ZRANB3: variants seen among roughly 807,000 people sequenced by gnomAD.
The protein encoded by ZRANB3 is DNA annealing helicase and endonuclease ZRANB3.
ZRANB3 carries 125 observed loss-of-function variants against 133.8 expected under a neutral mutation model. The ratio of observed to expected loss-of-function variants is 0.93; its 90% CI spans 0.81 to 1.08. The LOEUF is 1.08. Among genes scored for constraint, ZRANB3 ranks in the 50% least tolerant of loss-of-function variants. The probability of loss-of-function intolerance (pLI) is 0.00; values close to 1 mark genes in which losing one functional copy is unlikely to be tolerated. For synonymous variants in ZRANB3, 387 were observed against 432.7 expected (o/e 0.89, Z 1.31); for missense variants, 1,229 against 1,275.5 (o/e 0.96, Z 0.56).
At chr2:135,480,807 T>C (rs374224972) in intron 2 of ZRANB3, among the ~76,000 whole-genome samples, 4,916 of 124,006 alleles carry the variant, frequency 0.04, 186 homozygotes, top group African/African-American at 0.11. Flanking sequence ...ATATTCCCCT[T>C]CCTGTGTCCA....
chr2:135,418,435 T>G (rs918073379), intron 2 of ZRANB3, among the ~76,000 whole-genome samples: 1 of 152,192 alleles, frequency 6.6e-6, no homozygotes, highest in Non-Finnish European at 1.5e-5. Context: ...GACTCAAATG[T>G]TTAATGCATT....
chr2:135,481,874 T>A (rs1197174019), intron 2 of ZRANB3, among the ~76,000 whole-genome samples: 1 of 148,818 alleles, frequency 6.7e-6, no homozygotes, highest in African/African-American at 2.5e-5. Context: ...AAATAGGGAA[T>A]CCTTTCCCCA....
chr2:135,467,711 T>C, intron 2 of ZRANB3, among the ~76,000 whole-genome samples: 1 of 152,252 alleles, frequency 6.6e-6, no homozygotes, highest in South Asian at 2.1e-4. Flanking sequence ...GTCCTTACTT[T>C]GCCTCTCTAG....
chr2:135,490,185 C>A (rs930041076), intron 2 of ZRANB3, among the ~76,000 whole-genome samples: 27 of 152,200 alleles, frequency 1.8e-4, no homozygotes, highest in African/African-American at 6.5e-4. Context: ...GAATTTCTTA[C>A]CCCACAGATG....
At chr2:135,477,633 T>C (rs1173750548) in intron 2 of ZRANB3, among the ~76,000 whole-genome samples, 1 of 152,160 alleles carries the variant, frequency 6.6e-6, no homozygotes, top group East Asian at 1.9e-4. Flanking sequence ...TCCACTAAGA[T>C]CTTTTAAGTT....
At chr2:135,490,381 C>A (rs962108978) in intron 2 of ZRANB3, among the ~76,000 whole-genome samples, 1 of 152,016 alleles carries the variant, frequency 6.6e-6, no homozygotes, top group Non-Finnish European at 1.5e-5. Flanking sequence ...GATATATAAA[C>A]TGCCAACAGG....
chr2:135,200,463 G>A (rs1693573027), intron 20 of ZRANB3, 23 bp from the exon 21 acceptor site: 1 of 1,553,520 alleles, frequency 6.4e-7, no homozygotes, highest in African/African-American at 1.4e-5. Flanking sequence ...AAATATGCAT[G>A]TGTACACGTT....
chr2:135,382,748 T>G (rs893442161), intron 3 of ZRANB3, among the ~76,000 whole-genome samples: 7 of 152,154 alleles, frequency 4.6e-5, no homozygotes, highest in Non-Finnish European at 5.9e-5. Context: ...CTAAGCTTCA[T>G]AAGTGAAGGA....
intron 3 of ZRANB3, among the ~76,000 whole-genome samples, chr2:135,381,485 T>C (rs943156502): frequency 6.6e-6 from 1 of 152,146 alleles, no homozygotes; most frequent in Non-Finnish European, 1.5e-5. Flanking sequence ...CCCTGACAGC[T>C]TGGAAGAGAG....
intron 6 of ZRANB3, among the ~76,000 whole-genome samples, chr2:135,322,604 C>T (rs998751670): frequency 6.6e-6 from 1 of 151,858 alleles, no homozygotes; most frequent in African/African-American, 2.4e-5. Flanking sequence ...TGTAGTCCTC[C>T]CTACTTGGGA....
intron 9 of ZRANB3, 79 bp downstream of exon 9, chr2:135,275,557 A>T: frequency 1.6e-6 from 2 of 1,246,754 alleles, no homozygotes; most frequent in Non-Finnish European, 2.1e-6. Context: ...AAACACCTCA[A>T]CTATGAGACT....
At position 135,197,586 on chromosome 2, in the gene ZRANB3, G is replaced by A. The variant is rs1231809731; in HGVS notation, c.*2756C>T. On this transcript the variant is annotated 3_prime_UTR_variant, in exon 21 of 21. Coordinates refer to ENST00000264159, the MANE Select transcript of ZRANB3 (RefSeq NM_032143.4). Reference sequence around the variant, plus strand: ...ATGAATTATTCCTCCTGGCTCTGGGGCTACTAAAAGCAACTTTACTAGTCA... The same window carrying A: ...ATGAATTATTCCTCCTGGCTCTGGGACTACTAAAAGCAACTTTACTAGTCA... The A allele has an allele frequency of 6.6e-6, 1 of 152,220 alleles. No individual in the cohort carries two copies. Among genetic ancestry groups the A allele is most frequent in the African/African-American group, 2.4e-5 (1 of 41,458 alleles). The allele number at this position is 152,220 out of a possible 1,614,324, so 9.4% of individuals were successfully genotyped here.
chr2:135,270,008 A>T (rs944913662), intron 10 of ZRANB3, among the ~76,000 whole-genome samples: 1 of 152,140 alleles, frequency 6.6e-6, no homozygotes, highest in Non-Finnish European at 1.5e-5. Flanking sequence ...TTGATATGTT[A>T]TTTTCACTTA....
Position 135,254,448 on chromosome 2 carries a change from TA to T in ZRANB3, c.1539+11085del, listed in dbSNP as rs747845588. On this transcript the variant is annotated intron_variant, in intron 12 of 20. Coordinates refer to ENST00000264159, the MANE Select transcript of ZRANB3 (RefSeq NM_032143.4). Reference sequence around the variant, plus strand: ...TCTCAAAATTTAGCATATAGTCTTTTAAAAAAAAAACAGCTTTGGCCAGGTG... The same window carrying T: ...TCTCAAAATTTAGCATATAGTCTTTTAAAAAAAAACAGCTTTGGCCAGGTG... Among the ~76,000 whole-genome samples the T allele has an allele frequency of 3.3e-4, 49 of 150,084 alleles. No homozygotes were observed. The South Asian group carries it at 6.1e-3, about 19-fold the overall frequency.
At chr2:135,405,597 G>A (rs1165235919) in intron 2 of ZRANB3, among the ~76,000 whole-genome samples, 2 of 152,132 alleles carry the variant, frequency 1.3e-5, no homozygotes, top group African/African-American at 4.8e-5. Flanking sequence ...AAATGTAAAA[G>A]AACAGAAATT....
intron 2 of ZRANB3, among the ~76,000 whole-genome samples, chr2:135,419,714 C>A (rs1233332802): frequency 7.2e-6 from 1 of 138,988 alleles, no homozygotes; most frequent in Non-Finnish European, 1.6e-5. Flanking sequence ...TTTTTTTTTT[C>A]CTTAAATAAA....
intron 1 of ZRANB3, among the ~76,000 whole-genome samples, chr2:135,506,124 T>C (rs1344984225): frequency 2.0e-5 from 3 of 152,060 alleles, no homozygotes; most frequent in Non-Finnish European, 4.4e-5. Flanking sequence ...GACACAGCAG[T>C]TCATGCCTAT....
chr2:135,493,490 T>C (rs1341683777), intron 2 of ZRANB3, among the ~76,000 whole-genome samples: 2 of 152,078 alleles, frequency 1.3e-5, no homozygotes, highest in East Asian at 3.9e-4. Flanking sequence ...AACATTTCAG[T>C]ACTTTACAAT....
At chr2:135,372,334 A>G (rs1185101383) in intron 3 of ZRANB3, among the ~76,000 whole-genome samples, 3 of 152,084 alleles carry the variant, frequency 2.0e-5, no homozygotes, top group Non-Finnish European at 4.4e-5. Flanking sequence ...TGAGAAATAC[A>G]TATTTGTTTT....
Sources: allele counts gnomAD v4.1 joint callset (sites outside exome capture counted in the v4.1 genomes callset), GRCh38; gene constraint gnomAD v4.1.1; transcripts MANE v1.5; gene names NCBI Gene and HGNC (gene_info 2026-07-23, HGNC 2026-07-21).